The following ZNF23 variants were observed in gnomAD, a reference collection of about 807,000 sequenced individuals.
ZNF23 encodes kruppel-like zinc finger factor X31.
A neutral mutation model predicts 56.2 loss-of-function variants in ZNF23; 48 were observed. The observed-to-expected ratio is 0.85, with a 90% CI of 0.68 to 1.09. The LOEUF is 1.09. Among genes scored for constraint, ZNF23 ranks in the 50% least tolerant of loss-of-function variants. The probability of loss-of-function intolerance (pLI) is 0.00; values close to 1 mark genes in which losing one functional copy is unlikely to be tolerated. For missense variants in ZNF23, 805 were observed against 811.4 expected (o/e 0.99, Z 0.10); for synonymous variants, 266 against 283.3 (o/e 0.94, Z 0.61).
chr16:71,451,785 T>C (rs1385904101), intron 4 of ZNF23: 1 of 152,168 alleles, frequency 6.6e-6, no homozygotes, highest in Non-Finnish European at 1.5e-5. Flanking sequence ...TCTCCAGAAG[T>C]CTATTCCTGC....
intron 1 of ZNF23, among the ~76,000 whole-genome samples, chr16:71,460,318 GT>G (rs74907384): frequency 0.26 from 38,471 of 149,232 alleles, 5,503 homozygotes; most frequent in South Asian, 0.52. Context: ...CAAGGGGATA[GT>G]TTTTTTTTTT....
At chr16:71,453,484 C>T (rs906017761) in intron 3 of ZNF23, 134 bp from the exon 4 acceptor site, 11 of 650,110 alleles carry the variant, frequency 1.7e-5, no homozygotes, top group African/African-American at 9.2e-5. Context: ...CTCAGGACTA[C>T]GGGAAAGTAC....
In ZNF23 at chr16:71,449,401, A is replaced by G; in HGVS notation, c.753T>C (p.Asn251=). Residue 251 remains asparagine (N), a synonymous_variant, in exon 5 of 5, where the codon AAT becomes AAC. Transcript: ENST00000647773. ...CSECGKAFSI[N]EKLIWHQRLH... ...GTCTCTGATGCCAAATTAATTTCTC[A>G]TTAATGCTGAAAGCTTTGCCACACT... 6.2e-7 allele frequency: 1 copy of G among 1,614,216 alleles called. No homozygotes were observed. Among genetic ancestry groups the G allele is most frequent in the Non-Finnish European group, 8.5e-7 (1 of 1,180,044 alleles).
chr16:71,460,986 A>G (rs867972078), intron 1 of ZNF23, among the ~76,000 whole-genome samples: 1 of 152,208 alleles, frequency 6.6e-6, no homozygotes, highest in South Asian at 2.1e-4. Flanking sequence ...GAATTTGGAA[A>G]CTTAACATTG....
In ZNF23 at chr16:71,449,111, T is replaced by C. The variant is rs762782567; in HGVS notation, c.1043A>G (p.Glu348Gly). The change falls in exon 5 of 5, where the codon GAG becomes GGG. Residue 348 changes from glutamate (E) to glycine (G), a missense_variant. Glu to Gly is a moderately conservative substitution (Grantham distance 98, BLOSUM62 -2). Coordinates refer to ENST00000647773, the MANE Select transcript of ZNF23 (RefSeq NM_001381984.1). ...ACAGTCATTACACTCGTAAGGTTTC[T>C]CTCCAGTGTGGACTCTCTGATGTGT... The part of the protein sequence containing the change: ...YITHQRVHTG[E>G]KPYECNDCGK... 6.2e-7 allele frequency: 1 copy of C among 1,614,226 alleles called. No individual in the cohort carries two copies. Among genetic ancestry groups the C allele is most frequent in the Non-Finnish European group, 8.5e-7 (1 of 1,180,038 alleles).
At chr16:71,453,447 A>C in intron 3 of ZNF23, 97 bp from the exon 4 acceptor site, 2 of 930,620 alleles carry the variant, frequency 2.1e-6, no homozygotes, top group Non-Finnish European at 3.3e-6. Flanking sequence ...TGGGGAGGGA[A>C]GGTAAGAACC....
At chr16:71,458,382 T>C (rs2043314149) in intron 1 of ZNF23, among the ~76,000 whole-genome samples, 1 of 152,238 alleles carries the variant, frequency 6.6e-6, no homozygotes, top group African/African-American at 2.4e-5. Context: ...TACTGGTTCA[T>C]GATTCTTTCC....
chr16:71,452,621 TC>T (rs2043094831), intron 4 of ZNF23: 1 of 152,226 alleles, frequency 6.6e-6, no homozygotes, highest in African/African-American at 2.4e-5. Context: ...CACATTACCT[TC>T]CCTGTGTACA....
In ZNF23 at chr16:71,448,869, G is replaced by A; in HGVS notation, c.1285C>T (p.His429Tyr). Residue 429 changes from histidine (H) to tyrosine (Y), a missense_variant, in exon 5 of 5, where the codon CAC (histidine) becomes TAC (tyrosine). Coordinates refer to ENST00000647773, the MANE Select transcript of ZNF23 (RefSeq NM_001381984.1). ...CATTCATAGGGTTTCTCACCTGTGT[G>A]GATTCTCTGATGCTGAATGAGTTTT... Reference protein sequence around the residue: ...NTKLIQHQRIHTGEKPYECTE... With the variant: ...NTKLIQHQRIYTGEKPYECTE... The A allele has an allele frequency of 6.2e-7, 1 of 1,614,204 alleles. No homozygotes were observed. The highest frequency in any genetic ancestry group is 8.5e-7 in the Non-Finnish European group (1 of 1,180,030).
chr16:71,460,136 C>A (rs1270396657), intron 1 of ZNF23, among the ~76,000 whole-genome samples: 1 of 152,156 alleles, frequency 6.6e-6, no homozygotes, highest in Non-Finnish European at 1.5e-5. Context: ...CGTTTAAATG[C>A]AGTAGGCAAA....
Position 71,449,217 on chromosome 16 carries a change from G to T in ZNF23, c.937C>A (p.His313Asn). ...TTCTCTCCCGTATGGATTCTCTGAT[G>T]CCTACTTAGGCTTCCATTAACACTG... ...AFSVNGSLSR[H>N]QRIHTGEKPY... Residue 313 changes from histidine to asparagine, a missense_variant, in exon 5 of 5, where the codon CAT (histidine) becomes AAT (asparagine). Coordinates refer to ENST00000647773, the MANE Select transcript of ZNF23 (RefSeq NM_001381984.1). The T allele has an allele frequency of 6.2e-7, 1 of 1,614,086 alleles. No homozygotes were observed. The highest frequency in any genetic ancestry group is 1.1e-5 in the South Asian group (1 of 91,086).
In ZNF23 at chr16:71,447,987, A is replaced by C; in HGVS notation, c.*106T>G. On this transcript the variant is annotated 3_prime_UTR_variant, in exon 5 of 5. Transcript: ENST00000647773. ...GAATAAAAACTGTTTCCATATGAAG[A>C]CTCTGCCATATTCATGCCCTCTTGG... The C allele has an allele frequency of 1.2e-6, 1 of 821,124 alleles. No individual in the cohort carries two copies. The highest frequency in any genetic ancestry group is 2.3e-5 in the South Asian group (1 of 44,106). 50.9% of individuals were successfully genotyped at this position (821,124 alleles called of 1,614,324 possible). A position where few individuals can be genotyped will look rare whatever the true frequency, so the allele number is the denominator to read the frequency against.
At chr16:71,449,952 T>C in intron 4 of ZNF23, 67 bp from the exon 5 acceptor site, 2 of 1,306,848 alleles carry the variant, frequency 1.5e-6, no homozygotes, top group South Asian at 1.6e-5. Context: ...AGAACTGTGC[T>C]ATAAAAGACC....
intron 4 of ZNF23, chr16:71,451,026 T>G (rs9927819): frequency 0.049 from 7,905 of 161,786 alleles, 678 homozygotes; most frequent in African/African-American, 0.18. Flanking sequence ...TCAACTTCAT[T>G]TCTACTTTAG....
chr16:71,448,159 C>T lies in ZNF23; in HGVS notation c.1995G>A (p.Gly665=), dbSNP rs1470807124. ...GCTGGAAGCTAAACCTGAATGCTTT[C>T]CCACACACACTACACATATAGGGTT... ...WKKPYMCSVC[G]KAFRFSFQLS... is the part of the protein sequence containing the mutation. Residue 665 remains glycine, a synonymous_variant, in exon 5 of 5, where the codon GGG becomes GGA. Transcript: ENST00000647773. 11 of 1,613,990 alleles carry T rather than the reference C, an allele frequency of 6.8e-6. No homozygotes were observed. The highest frequency in any genetic ancestry group is 9.3e-6 in the Non-Finnish European group (11 of 1,179,992).
At chr16:71,450,653 A>C in intron 4 of ZNF23, 1 of 433,338 alleles carries the variant, frequency 2.3e-6, no homozygotes, top group Non-Finnish European at 4.7e-6. Context: ...CGGGAAACGG[A>C]AGTTGCGGTG....
At chr16:71,453,979 G>T in intron 3 of ZNF23, 63 bp downstream of exon 3, 1 of 1,580,832 alleles carries the variant, frequency 6.3e-7, no homozygotes, top group South Asian at 1.1e-5. Flanking sequence ...TAACCTGTAA[G>T]GGAGAAGCAA....
chr16:71,455,531 A>G (rs563569346), intron 2 of ZNF23, among the ~76,000 whole-genome samples: 1 of 151,912 alleles, frequency 6.6e-6, no homozygotes, highest in African/African-American at 2.4e-5. Flanking sequence ...TAATTTTTCT[A>G]TTTTTAGCAG....
chr16:71,453,922 A>T, intron 3 of ZNF23, 120 bp downstream of exon 3: 1 of 1,214,628 alleles, frequency 8.2e-7, no homozygotes, highest in Non-Finnish European at 1.2e-6. Context: ...GATTAGGAAC[A>T]GCTCTGGGGT....
Sources: gnomAD v4.1 joint callset for allele counts (sites outside exome capture counted in the v4.1 genomes callset) on GRCh38, gnomAD v4.1.1 for gene constraint, MANE v1.5 for transcripts, NCBI Gene and HGNC (gene_info 2026-07-23, HGNC 2026-07-21) for gene names.